The following FSTL5 variants were observed in gnomAD, a reference collection of about 807,000 sequenced individuals.
FSTL5 encodes the protein follistatin like 5.
In FSTL5, 62 loss-of-function variants were observed where a neutral mutation model predicts 89.1. That is an observed-to-expected ratio of 0.70 (90% CI 0.57 to 0.86). The LOEUF is 0.86. FSTL5 is among the 40% of genes least tolerant of loss of function. The probability of loss-of-function intolerance (pLI) is 0.00; values close to 1 mark genes in which losing one functional copy is unlikely to be tolerated. For missense variants in FSTL5, 1,057 were observed against 1,001.6 expected, an observed-to-expected ratio of 1.06 and a Z score of -0.75; for synonymous variants, 383 against 346.2, an observed-to-expected ratio of 1.11 and a Z score of -1.18.
At chr4:162,157,369 T>C (rs944680730) in intron 1 of FSTL5, among the ~76,000 whole-genome samples, 1 of 152,094 alleles carries the variant, frequency 6.6e-6, no homozygotes, top group Non-Finnish European at 1.5e-5. Context: ...TCATGGGGTT[T>C]GTGCTGTCAC....
intron 6 of FSTL5, among the ~76,000 whole-genome samples, chr4:161,731,414 T>C (rs958203547): frequency 6.6e-6 from 1 of 152,072 alleles, no homozygotes; most frequent in Non-Finnish European, 1.5e-5. Flanking sequence ...ATTTCCCCCT[T>C]GCTGTTCTCA....
chr4:161,883,168 A>G (rs1225025888), intron 4 of FSTL5, among the ~76,000 whole-genome samples: 1 of 152,204 alleles, frequency 6.6e-6, no homozygotes, highest in East Asian at 1.9e-4. Flanking sequence ...GATAAAAAAT[A>G]AACTCTAAAA....
At chr4:161,997,048 A>G (rs1736316027) in intron 3 of FSTL5, among the ~76,000 whole-genome samples, 1 of 152,202 alleles carries the variant, frequency 6.6e-6, no homozygotes, top group African/African-American at 2.4e-5. Flanking sequence ...GGGATGAGTC[A>G]GACAGATGTA....
chr4:161,577,337 T>C (rs956495093), intron 8 of FSTL5, among the ~76,000 whole-genome samples: 2 of 152,032 alleles, frequency 1.3e-5, no homozygotes, highest in African/African-American at 4.8e-5. Context: ...GAGAAGGTTA[T>C]GGTAGAAAAC....
chr4:161,538,263 A>G lies in FSTL5; in HGVS notation c.1215T>C (p.Tyr405=). Residue 405 remains tyrosine, a synonymous_variant, in exon 10 of 16, where the codon TAT becomes TAC. Transcript: ENST00000306100. ...TACAAGTGTATGCTCCAGTATCTTCATAGCGCACATTGCTTATGTGAACCT... is the reference window on the plus strand; with the variant it reads ...TACAAGTGTATGCTCCAGTATCTTCGTAGCGCACATTGCTTATGTGAACCT... ...GSEVHISNVR[Y]EDTGAYTCIA... The G allele has an allele frequency of 1.2e-6, 2 of 1,614,064 alleles. No homozygotes were observed. The highest frequency in any genetic ancestry group is 2.2e-5 in the South Asian group (2 of 91,086).
At chr4:162,155,689 C>T (rs1272735148) in intron 1 of FSTL5, among the ~76,000 whole-genome samples, 1 of 152,158 alleles carries the variant, frequency 6.6e-6, no homozygotes. Context: ...GAACTTTTGA[C>T]TGAATGCAGA....
chr4:161,904,527 C>T (rs1323724387), intron 4 of FSTL5, among the ~76,000 whole-genome samples: 2 of 151,468 alleles, frequency 1.3e-5, no homozygotes, highest in Non-Finnish European at 2.9e-5. Flanking sequence ...TTATGAAAAC[C>T]ACACTGGAAG....
intron 10 of FSTL5, among the ~76,000 whole-genome samples, chr4:161,514,140 C>T (rs541086695): frequency 6.6e-6 from 1 of 151,978 alleles, no homozygotes; most frequent in African/African-American, 2.4e-5. Flanking sequence ...ACTAAGAATA[C>T]AGGGATATTT....
chr4:162,027,599 A>G (rs1364936274), intron 3 of FSTL5, among the ~76,000 whole-genome samples: 2 of 152,166 alleles, frequency 1.3e-5, no homozygotes, highest in Non-Finnish European at 2.9e-5. Flanking sequence ...AATAGTAAAG[A>G]TCATAAATGG....
chr4:161,432,083 C>T (rs931410851), intron 15 of FSTL5, among the ~76,000 whole-genome samples: 1 of 152,014 alleles, frequency 6.6e-6, no homozygotes, highest in African/African-American at 2.4e-5. Flanking sequence ...GATACACTGG[C>T]CTTATCTGTA....
intron 1 of FSTL5, among the ~76,000 whole-genome samples, chr4:162,141,106 C>CTT (rs3032092): frequency 0.015 from 658 of 43,998 alleles, 101 homozygotes; most frequent in East Asian, 0.08. Context: ...TCCCTTCTCT[C>CTT]TTTTTTTTTT....
intron 4 of FSTL5, among the ~76,000 whole-genome samples, chr4:161,814,164 A>G (rs1374435798): frequency 6.6e-6 from 1 of 152,160 alleles, no homozygotes; most frequent in African/African-American, 2.4e-5. Flanking sequence ...AAGGGGAAGA[A>G]ATTACACAGA....
intron 4 of FSTL5, among the ~76,000 whole-genome samples, chr4:161,805,468 A>G (rs1437755133): frequency 6.6e-6 from 1 of 152,058 alleles, no homozygotes; most frequent in Non-Finnish European, 1.5e-5. Context: ...CGCATCTTAG[A>G]GATATGTAGC....
chr4:161,474,998 T>A (rs1407561326), intron 13 of FSTL5, among the ~76,000 whole-genome samples: 1 of 152,018 alleles, frequency 6.6e-6, no homozygotes, highest in Non-Finnish European at 1.5e-5. Flanking sequence ...TGAAGGACAA[T>A]TTTTGTGGGA....
At chr4:162,030,564 A>C (rs1737481405) in intron 3 of FSTL5, among the ~76,000 whole-genome samples, 1 of 152,166 alleles carries the variant, frequency 6.6e-6, no homozygotes, top group African/African-American at 2.4e-5. Context: ...TTGCAATAAA[A>C]GCAACTGAAC....
chr4:161,423,808 G>A (rs948452765), intron 15 of FSTL5, among the ~76,000 whole-genome samples: 1 of 151,778 alleles, frequency 6.6e-6, no homozygotes, highest in Non-Finnish European at 1.5e-5. Context: ...TGAGGCAGTG[G>A]ACAAGGCTTG....
intron 14 of FSTL5, among the ~76,000 whole-genome samples, chr4:161,458,102 T>A (rs913695534): frequency 6.6e-6 from 1 of 152,182 alleles, no homozygotes; most frequent in African/African-American, 2.4e-5. Flanking sequence ...ACCATCACCA[T>A]GCGACAGACA....
At chr4:161,644,147 A>T (rs1412169076) in intron 7 of FSTL5, among the ~76,000 whole-genome samples, 1 of 152,002 alleles carries the variant, frequency 6.6e-6, no homozygotes. Context: ...GCGTTTGTTT[A>T]CTTTTGAAGG....
At chr4:161,637,864 T>C (rs1216201218) in intron 7 of FSTL5, among the ~76,000 whole-genome samples, 111 of 119,950 alleles carry the variant, frequency 9.3e-4, no homozygotes, top group Non-Finnish European at 1.6e-3. Flanking sequence ...TTGGTTACTG[T>C]AGCCTTGTAG....
Sources: allele counts gnomAD v4.1 joint callset (sites outside exome capture counted in the v4.1 genomes callset), GRCh38; gene constraint gnomAD v4.1.1; transcripts MANE v1.5; gene names NCBI Gene and HGNC (gene_info 2026-07-23, HGNC 2026-07-21).